TTC6: variants seen among roughly 807,000 people sequenced by gnomAD.
TTC6 encodes the protein tetratricopeptide repeat protein 6.
TTC6 carries 172 observed loss-of-function variants against 210.4 expected under a neutral mutation model. The ratio of observed to expected loss-of-function variants is 0.82; its 90% CI spans 0.72 to 0.93. The LOEUF is 0.93. TTC6 is among the 40% of genes least tolerant of loss of function. The pLI is 0.00. For missense variants in TTC6, 2,414 were observed against 2,318.1 expected (o/e 1.04, Z -0.85); for synonymous variants, 804 against 819.6 (o/e 0.98, Z 0.32).
At chr14:37,734,008 C>T (rs1054674192) in intron 7 of TTC6, among the ~76,000 whole-genome samples, 3 of 151,840 alleles carry the variant, frequency 2.0e-5, no homozygotes. Flanking sequence ...TGTTTTGTTT[C>T]TTTGTATACC....
chr14:37,764,429 C>G (rs1457022385), intron 14 of TTC6, among the ~76,000 whole-genome samples: 1 of 152,106 alleles, frequency 6.6e-6, no homozygotes, highest in Non-Finnish European at 1.5e-5. Flanking sequence ...TTCTGTTAGT[C>G]TTTGCTGCAT....
chr14:37,625,780 C>G (rs1033193491), intron 1 of TTC6, among the ~76,000 whole-genome samples: 2 of 152,124 alleles, frequency 1.3e-5, no homozygotes, highest in Non-Finnish European at 2.9e-5. Context: ...ATGATCTCAG[C>G]AGGCTGGACT....
chr14:37,612,620 A>G (rs1394471426), intron 2 of TTC6, among the ~76,000 whole-genome samples: 1 of 152,222 alleles, frequency 6.6e-6, no homozygotes, highest in African/African-American at 2.4e-5. Flanking sequence ...CTTCTAATCT[A>G]TGGACATGAT....
intron 5 of TTC6, among the ~76,000 whole-genome samples, chr14:37,705,160 G>A (rs1309522964): frequency 2.0e-5 from 3 of 152,024 alleles, no homozygotes; most frequent in African/African-American, 7.2e-5. Context: ...AGCAATGCCA[G>A]GCTATGAATC....
chr14:37,841,675 A>G lies in TTC6; in HGVS notation c.5524+5A>G. 1 of 1,589,144 alleles carries G rather than the reference A, an allele frequency of 6.3e-7. No homozygotes were observed. The highest frequency in any genetic ancestry group is 1.8e-5 in the Admixed American group (1 of 56,008). ...CTGAGGAAGACCTTAATAAAGGTAC[A>G]CTTTTGGTAATTATTCTGGTAAGAT... On this transcript the variant is annotated splice_donor_5th_base_variant and intron_variant, in intron 30 of 30. Coordinates refer to ENST00000553443, the Ensembl canonical transcript of TTC6.
chr14:37,749,272 A>T, exon 11 of TTC6: 1 of 1,525,734 alleles, frequency 6.6e-7, no homozygotes. Flanking sequence ...AATATTATGA[A>T]TCTGAAGTGA....
At chr14:37,605,721 G>C (rs1393054351) in intron 1 of TTC6, among the ~76,000 whole-genome samples, 1 of 152,138 alleles carries the variant, frequency 6.6e-6, no homozygotes, top group Non-Finnish European at 1.5e-5. Context: ...CATAGCTGGA[G>C]AACATCTAAG....
At chr14:37,743,209 T>C (rs1454794402) in intron 10 of TTC6, among the ~76,000 whole-genome samples, 1 of 152,198 alleles carries the variant, frequency 6.6e-6, no homozygotes, top group African/African-American at 2.4e-5. Flanking sequence ...GATTTAAACT[T>C]GCAGTACAGG....
chr14:37,796,717 C>T, intron 19 of TTC6, 70 bp from the exon 22 acceptor site: 2 of 1,368,656 alleles, frequency 1.5e-6, no homozygotes, highest in Non-Finnish European at 2.0e-6. Flanking sequence ...TGAATTACTC[C>T]CTTAGAATAA....
At chr14:37,731,630 T>TTAAACATTGTTTATGAGTCAAAAC (rs1177342180) in intron 7 of TTC6, among the ~76,000 whole-genome samples, 5 of 152,222 alleles carry the variant, frequency 3.3e-5, no homozygotes, top group African/African-American at 7.2e-5. Context: ...TGAAGGATTG[T>TTAAACATTGTTTATGAGTCAAAAC]TAAACATTGT....
At chr14:37,653,899 C>T (rs895613974) in intron 1 of TTC6, among the ~76,000 whole-genome samples, 1 of 152,084 alleles carries the variant, frequency 6.6e-6, no homozygotes, top group Non-Finnish European at 1.5e-5. Flanking sequence ...AATAGTCGGT[C>T]ACAAGAATAA....
intron 1 of TTC6, among the ~76,000 whole-genome samples, chr14:37,633,064 G>T (rs571535115): frequency 6.6e-6 from 1 of 152,152 alleles, no homozygotes; most frequent in African/African-American, 2.4e-5. Flanking sequence ...TGGGCTCCGT[G>T]GGGGTGAGAT....
chr14:37,608,517 G>A (rs11621731), intron 2 of TTC6, among the ~76,000 whole-genome samples: 1 of 152,056 alleles, frequency 6.6e-6, no homozygotes, highest in Non-Finnish European at 1.5e-5. Context: ...ATATTGCTCA[G>A]GCTGGTCTTG....
At chr14:37,607,247 C>T (rs2139235800) in intron 2 of TTC6, among the ~76,000 whole-genome samples, 1 of 152,322 alleles carries the variant, frequency 6.6e-6, no homozygotes, top group African/African-American at 2.4e-5. Context: ...GAAGCAGACA[C>T]TAAACTAGGT....
At chr14:37,817,094 G>A (rs1187565529) in intron 25 of TTC6, among the ~76,000 whole-genome samples, 1 of 152,172 alleles carries the variant, frequency 6.6e-6, no homozygotes, top group African/African-American at 2.4e-5. Flanking sequence ...AAAGGCAGGA[G>A]CAGCCCCAGC....
intron 7 of TTC6, among the ~76,000 whole-genome samples, chr14:37,734,814 C>T (rs763621805): frequency 3.3e-5 from 5 of 151,982 alleles, no homozygotes; most frequent in Non-Finnish European, 5.9e-5. Flanking sequence ...CATATATGTT[C>T]TTTTTTTAAA....
At chr14:37,740,147 A>T (rs1178332741) in intron 10 of TTC6, among the ~76,000 whole-genome samples, 1 of 140,158 alleles carries the variant, frequency 7.1e-6, no homozygotes, top group Non-Finnish European at 1.5e-5. Context: ...TGGGCGACAG[A>T]GCGAGACTCC....
chr14:37,696,949 G>A, intron 4 of TTC6, 114 bp downstream of exon 6: 1 of 462,358 alleles, frequency 2.2e-6, no homozygotes, highest in East Asian at 3.6e-5. Context: ...ATTCATATAT[G>A]AGACCTAAGT....
At chr14:37,630,611 C>A (rs2095667650) in intron 1 of TTC6, among the ~76,000 whole-genome samples, 1 of 152,104 alleles carries the variant, frequency 6.6e-6, no homozygotes, top group Non-Finnish European at 1.5e-5. Flanking sequence ...TGGTCCAGAG[C>A]TGAGTTCAAG....
Sources: allele counts gnomAD v4.1 joint callset (sites outside exome capture counted in the v4.1 genomes callset), GRCh38; gene constraint gnomAD v4.1.1; transcripts MANE v1.5; gene names NCBI Gene and HGNC (gene_info 2026-07-23, HGNC 2026-07-21).